DPP10: variants seen among roughly 807,000 people sequenced by gnomAD.
DPP10 encodes the protein inactive dipeptidyl peptidase 10.
Under a neutral mutation model 120.9 loss-of-function variants are expected in DPP10, and 33 were observed. That is an observed-to-expected ratio of 0.27 (90% CI 0.21 to 0.37). DPP10 has a LOEUF of 0.37. Among genes scored for constraint, DPP10 ranks in the 10% least tolerant of loss-of-function variants. The pLI, the probability that DPP10 is intolerant of heterozygous loss-of-function variation, is 1.00. For synonymous variants in DPP10, 337 were observed against 326.1 expected (o/e 1.03, Z -0.36); for missense variants, 816 against 942.8 (o/e 0.87, Z 1.76).
At chr2:114,474,556 G>A (rs1192332305) in intron 1 of DPP10, among the ~76,000 whole-genome samples, 1 of 152,104 alleles carries the variant, frequency 6.6e-6, no homozygotes. Flanking sequence ...AACACAGGAA[G>A]AATTCTTAAG....
chr2:114,718,278 G>C (rs1032539504), intron 1 of DPP10, among the ~76,000 whole-genome samples: 3 of 150,944 alleles, frequency 2.0e-5, no homozygotes, highest in African/African-American at 7.3e-5. Flanking sequence ...TTAAATAATT[G>C]AAAGTAAAAA....
chr2:114,658,072 G>A (rs1464214020), intron 1 of DPP10, among the ~76,000 whole-genome samples: 1 of 152,154 alleles, frequency 6.6e-6, no homozygotes, highest in Non-Finnish European at 1.5e-5. Context: ...ATATATTTGA[G>A]TTGAAAATAT....
chr2:115,379,240 G>C (rs2066081889), intron 3 of DPP10, among the ~76,000 whole-genome samples: 1 of 152,140 alleles, frequency 6.6e-6, no homozygotes, highest in Non-Finnish European at 1.5e-5. Context: ...TCCTGTTATT[G>C]GTCTATTCAG....
chr2:114,905,801 A>G (rs931698845), intron 1 of DPP10, among the ~76,000 whole-genome samples: 1 of 152,152 alleles, frequency 6.6e-6, no homozygotes, highest in African/African-American at 2.4e-5. Flanking sequence ...GCTGGCCTCA[A>G]TCTCCCAAAG....
At chr2:115,726,655 G>C (rs978879737) in intron 7 of DPP10, among the ~76,000 whole-genome samples, 4 of 151,922 alleles carry the variant, frequency 2.6e-5, no homozygotes, top group African/African-American at 7.3e-5. Context: ...CTGTTGTAGC[G>C]GTGGAATTAA....
intron 1 of DPP10, among the ~76,000 whole-genome samples, chr2:115,198,477 A>G (rs997719890): frequency 3.9e-5 from 6 of 152,164 alleles, no homozygotes; most frequent in Non-Finnish European, 8.8e-5. Flanking sequence ...GTCACTCTGT[A>G]TATACACCTC....
At chr2:115,722,973 C>T (rs72828542) in intron 7 of DPP10, among the ~76,000 whole-genome samples, 22,550 of 152,124 alleles carry the variant, frequency 0.15, 2,274 homozygotes, top group East Asian at 0.41. Context: ...CTTACACTCC[C>T]GTCACCACTG....
rs139672550 is a variant in DPP10, at chr2:115,829,658, T to C, written c.1951-6499T>C. Among the ~76,000 whole-genome samples, 7 of 152,252 alleles carry C rather than the reference T, an allele frequency of 4.6e-5. No individual in the cohort carries two copies. The East Asian group carries it at 9.6e-4, about 21-fold the overall frequency. On this transcript the variant is annotated intron_variant, in intron 21 of 25. Transcript: ENST00000410059. ...CAATATGCACAGTACATTTCTTTTA[T>C]TTCTTTTTTTATATATCCTAGTAGA...
chr2:115,268,799 A>G (rs1265914673), intron 1 of DPP10, among the ~76,000 whole-genome samples: 2 of 152,176 alleles, frequency 1.3e-5, no homozygotes, highest in East Asian at 3.8e-4. Flanking sequence ...CTTTACCGTT[A>G]TATCTGCTAG....
At chr2:115,446,357 G>A (rs2072587623) in intron 3 of DPP10, among the ~76,000 whole-genome samples, 1 of 152,192 alleles carries the variant, frequency 6.6e-6, no homozygotes, top group South Asian at 2.1e-4. Context: ...CCCCACTGGG[G>A]CACTTCCCAG....
intron 4 of DPP10, among the ~76,000 whole-genome samples, chr2:115,515,823 C>T (rs1177260018): frequency 6.6e-6 from 1 of 151,984 alleles, no homozygotes; most frequent in Non-Finnish European, 1.5e-5. Flanking sequence ...ATCATCTACC[C>T]TATAAGAGTT....
At chr2:115,149,795 T>A (rs2051434423) in intron 1 of DPP10, among the ~76,000 whole-genome samples, 1 of 152,238 alleles carries the variant, frequency 6.6e-6, no homozygotes, top group Non-Finnish European at 1.5e-5. Context: ...AGCCACGTAG[T>A]CACCTACTTG....
chr2:115,383,174 C>T (rs1276022582), intron 3 of DPP10, among the ~76,000 whole-genome samples: 1 of 152,170 alleles, frequency 6.6e-6, no homozygotes, highest in Non-Finnish European at 1.5e-5. Context: ...GCTGTGTACC[C>T]ACCCAAATCT....
chr2:115,577,735 G>T (rs1412264834), intron 5 of DPP10, among the ~76,000 whole-genome samples: 1 of 152,010 alleles, frequency 6.6e-6, no homozygotes, highest in African/African-American at 2.4e-5. Context: ...CTTGTAGATG[G>T]CCATTTTCTC....
intron 1 of DPP10, among the ~76,000 whole-genome samples, chr2:114,527,464 G>A (rs1218047787): frequency 6.6e-6 from 1 of 152,076 alleles, no homozygotes; most frequent in African/African-American, 2.4e-5. Flanking sequence ...CATGAAACAT[G>A]ATGTATTAAT....
intron 1 of DPP10, among the ~76,000 whole-genome samples, chr2:114,653,848 A>C (rs1696786873): frequency 6.6e-6 from 1 of 152,192 alleles, no homozygotes; most frequent in African/African-American, 2.4e-5. Context: ...ATGCAAAAGA[A>C]GATTCTCTTC....
intron 1 of DPP10, among the ~76,000 whole-genome samples, chr2:114,525,930 C>A (rs1362712566): frequency 1.3e-5 from 2 of 152,196 alleles, no homozygotes; most frequent in African/African-American, 4.8e-5. Context: ...AACAGTAGCT[C>A]TTCTTTCAAA....
At chr2:114,570,853 A>G (rs1323114182) in intron 1 of DPP10, among the ~76,000 whole-genome samples, 4 of 150,934 alleles carry the variant, frequency 2.7e-5, no homozygotes, top group African/African-American at 4.9e-5. Flanking sequence ...AAAAAAAAAA[A>G]AAAAAAAGAA....
chr2:114,971,759 G>A (rs1478967050), intron 1 of DPP10, among the ~76,000 whole-genome samples: 1 of 152,146 alleles, frequency 6.6e-6, no homozygotes, highest in Non-Finnish European at 1.5e-5. Flanking sequence ...CACAACTTCA[G>A]ATGTTTAATT....
Sources: allele counts gnomAD v4.1 joint callset (sites outside exome capture counted in the v4.1 genomes callset), GRCh38; gene constraint gnomAD v4.1.1; transcripts MANE v1.5; gene names NCBI Gene and HGNC (gene_info 2026-07-23, HGNC 2026-07-21).